Variants in C3orf18 observed in about 807,000 individuals in gnomAD.
C3orf18 encodes the protein uncharacterized protein C3orf18.
Under a neutral mutation model 14.1 loss-of-function variants are expected in C3orf18, and 12 were observed. The ratio of observed to expected loss-of-function variants is 0.85; its 90% CI spans 0.55 to 1.38. The LOEUF (loss-of-function observed/expected upper bound fraction) is 1.38. Among genes scored for constraint, C3orf18 ranks in the 40% most tolerant of loss-of-function variants. The pLI is 0.00. For synonymous variants in C3orf18, 82 were observed against 87.9 expected, an observed-to-expected ratio of 0.93 and a Z score of 0.38; for missense variants, 196 against 213.9, an observed-to-expected ratio of 0.92 and a Z score of 0.52.
chr3:50,572,708 G>T (rs1304483083), upstream of C3orf18, among the ~76,000 whole-genome samples: 2 of 152,236 alleles, frequency 1.3e-5, no homozygotes, highest in African/African-American at 2.4e-5. Context: ...GAATCTGGTG[G>T]CCCTCTTAGG....
At chr3:50,566,460 T>A (rs189029863) in intron 1 of C3orf18, among the ~76,000 whole-genome samples, 73 of 152,044 alleles carry the variant, frequency 4.8e-4, no homozygotes, top group African/African-American at 1.8e-3. Context: ...CAAACAGGTG[T>A]CGAAGAAAGA....
chr3:50,573,556 T>C, upstream of C3orf18, among the ~76,000 whole-genome samples: 1 of 152,054 alleles, frequency 6.6e-6, no homozygotes, highest in Non-Finnish European at 1.5e-5. Context: ...CTTGGATGGG[T>C]CTGGGCCAAG....
Position 50,561,069 on chromosome 3 carries a change from G to T in C3orf18, c.261-5C>A. 1.2e-6 allele frequency: 2 copies of T among 1,613,630 alleles called. No individual in the cohort carries two copies. The highest frequency in any genetic ancestry group is 1.7e-6 in the Non-Finnish European group (2 of 1,179,716). ...TGGTGGCGTAGCTTCTCCAGCCTGG[G>T]GATGGGGGCAAAGGCTGCTGGGGAC... On this transcript the variant is annotated splice_region_variant and splice_polypyrimidine_tract_variant and intron_variant, in intron 4 of 5. Transcript: ENST00000357203.
chr3:50,571,788 C>A, upstream of C3orf18: 7 of 1,614,044 alleles, frequency 4.3e-6, no homozygotes, highest in Non-Finnish European at 5.9e-6. Context: ...GCTGAGTAGC[C>A]GTCGATTGCA....
upstream of C3orf18, among the ~76,000 whole-genome samples, chr3:50,568,104 T>A (rs1385493411): frequency 2.0e-5 from 3 of 152,212 alleles, no homozygotes; most frequent in East Asian, 3.9e-4. Flanking sequence ...TTTGTGACCT[T>A]GAAGAAACTG....
upstream of C3orf18, among the ~76,000 whole-genome samples, chr3:50,573,887 T>C (rs189816733): frequency 6.6e-6 from 1 of 152,278 alleles, no homozygotes; most frequent in Non-Finnish European, 1.5e-5. Flanking sequence ...AGTAGGAAAC[T>C]CAGGGCTGGG....
At position 50,558,970 on chromosome 3, in the gene C3orf18, C is replaced by T; in HGVS notation, c.*687G>A. The T allele has an allele frequency of 7.8e-7, 1 of 1,288,276 alleles. No homozygotes were observed. Among genetic ancestry groups the T allele is most frequent in the Non-Finnish European group, 1.0e-6 (1 of 987,862 alleles). The allele number at this position is 1,288,276 out of a possible 1,614,324, so 79.8% of individuals were successfully genotyped here. A position where few individuals can be genotyped will look rare whatever the true frequency, so the allele number is the denominator to read the frequency against. On this transcript the variant is annotated 3_prime_UTR_variant, in exon 6 of 6. Transcript: ENST00000357203. ...GGTCTGGGGGGGCTGCATCCTTCCA[C>T]TTCCATTCCCCTACTTCCTTCCCCC...
At chr3:50,564,647 C>A (rs1439784508) in intron 3 of C3orf18, among the ~76,000 whole-genome samples, 1 of 152,174 alleles carries the variant, frequency 6.6e-6, no homozygotes, top group Non-Finnish European at 1.5e-5. Flanking sequence ...AGGGCAGGAC[C>A]TTGTCTTCCC....
upstream of C3orf18, among the ~76,000 whole-genome samples, chr3:50,574,663 C>T (rs1437297852): frequency 4.6e-5 from 7 of 152,198 alleles, no homozygotes; most frequent in Admixed American, 4.6e-4. Context: ...AGACCACAGG[C>T]TCTCAGCCAC....
intron 3 of C3orf18, among the ~76,000 whole-genome samples, chr3:50,563,428 C>A (rs2107283971): frequency 6.6e-6 from 1 of 152,286 alleles, no homozygotes; most frequent in East Asian, 1.9e-4. Flanking sequence ...AACCTTTACG[C>A]AATTTCCATG....
chr3:50,570,384 T>C (rs1700806553), upstream of C3orf18: 1 of 152,180 alleles, frequency 6.6e-6, no homozygotes, highest in African/African-American at 2.4e-5. Context: ...TAGGTTAAAT[T>C]AGGAGGAAAT....
Position 50,566,051 on chromosome 3 carries a change from C to T in C3orf18, c.-208G>A, listed in dbSNP as rs1700271876. 1 of 220,564 alleles carries T rather than the reference C, an allele frequency of 4.5e-6. No individual in the cohort carries two copies. Among genetic ancestry groups the T allele is most frequent in the Non-Finnish European group, 9.1e-6 (1 of 110,094 alleles). 13.7% of individuals were successfully genotyped at this position (220,564 alleles called of 1,614,324 possible). A position where few individuals can be genotyped will look rare whatever the true frequency, so the allele number is the denominator to read the frequency against. On this transcript the variant is annotated 5_prime_UTR_variant, in exon 2 of 6. Transcript: ENST00000357203. ...CTGTTTTTGGGAACAAAAATGAAGC[C>T]CTGCATCCTCTGTCTGTGGGTGAGA...
chr3:50,571,168 C>A, upstream of C3orf18: 1 of 1,613,404 alleles, frequency 6.2e-7, no homozygotes, highest in Non-Finnish European at 8.5e-7. Context: ...GGGAAGTACC[C>A]GGGGCTGGGC....
chr3:50,570,467 G>C (rs1288524841), upstream of C3orf18: 2 of 152,204 alleles, frequency 1.3e-5, no homozygotes, highest in Non-Finnish European at 2.9e-5. Flanking sequence ...GCAATCATCT[G>C]CCTCTTGTAA....
chr3:50,559,657 T>G lies in C3orf18; in HGVS notation c.489A>C (p.Ter163CysextTer61). The change falls in exon 6 of 6, where the codon TGA (stop) becomes TGC (cysteine). Residue 163 changes from the stop codon to cysteine, a stop_lost. Coordinates refer to ENST00000357203, the MANE Select transcript of C3orf18 (RefSeq NM_016210.5). ...GAAGTCCAGGCTTGTCCCAGGCCAC[T>G]CACGCATGGATGGCATTGGCCACAT... is the stretch of plus-strand genomic sequence containing the variant. Reference protein sequence around the residue: ...FTDVANAIHA* With the variant: ...FTDVANAIHAC 2.5e-6 allele frequency: 4 copies of G among 1,577,208 alleles called. No homozygotes were observed. Among genetic ancestry groups the G allele is most frequent in the Non-Finnish European group, 3.4e-6 (4 of 1,160,448 alleles).
Position 50,559,102 on chromosome 3 carries a change from G to T in C3orf18, c.*555C>A. 1.6e-6 allele frequency: 2 copies of T among 1,289,798 alleles called. No individual in the cohort carries two copies. The highest frequency in any genetic ancestry group is 2.5e-5 in the South Asian group (2 of 81,030). The allele number at this position is 1,289,798 out of a possible 1,614,324, so 79.9% of individuals were successfully genotyped here. On this transcript the variant is annotated 3_prime_UTR_variant, in exon 6 of 6. Transcript: ENST00000357203. ...TATGGATGGACCCTGGGTGTGAATT[G>T]CCCTTCTCCTGGCATCCTTGCATAC...
In C3orf18 at chr3:50,558,706, C is replaced by A; in HGVS notation, c.*951G>T. 1 of 1,288,824 alleles carries A rather than the reference C, an allele frequency of 7.8e-7. No homozygotes were observed. The highest frequency in any genetic ancestry group is 1.0e-6 in the Non-Finnish European group (1 of 988,188). The allele number at this position is 1,288,824 out of a possible 1,614,324, so 79.8% of individuals were successfully genotyped here. On this transcript the variant is annotated 3_prime_UTR_variant, in exon 6 of 6. Coordinates refer to ENST00000357203, the MANE Select transcript of C3orf18 (RefSeq NM_016210.5). The stretch of plus-strand genomic sequence containing the variant: ...GAGCCGTTTTCAGAAGCAGGTGAGC[C>A]CAGTGAAACAATGCAGTGGAGAGAG...
Position 50,565,676 on chromosome 3 carries a change from A to G in C3orf18, c.24T>C (p.Ala8=), listed in dbSNP as rs747554840. Residue 8 remains alanine, a synonymous_variant, in exon 3 of 6, where the codon GCT becomes GCC. Transcript: ENST00000357203. The surrounding 1 kb of genome is among the most constrained non-coding windows in gnomAD (Gnocchi z 4.4). MNSRTAS[A]RGWFSSRPPT... ...GTGGGCGGCTGCTGAACCAGCCCCT[A>G]GCAGATGCGGTCCTGGAGTTCATGC... 3 of 1,611,980 alleles carry G rather than the reference A, an allele frequency of 1.9e-6. No homozygotes were observed. The highest frequency in any genetic ancestry group is 2.5e-6 in the Non-Finnish European group (3 of 1,179,956).
At chr3:50,562,741 G>A (rs1700065156) in intron 3 of C3orf18, among the ~76,000 whole-genome samples, 1 of 152,184 alleles carries the variant, frequency 6.6e-6, no homozygotes. Flanking sequence ...TGGGGGACTG[G>A]AGCCCCTAGG....
Sources: allele counts gnomAD v4.1 joint callset (sites outside exome capture counted in the v4.1 genomes callset), GRCh38; gene constraint gnomAD v4.1.1; non-coding constraint Gnocchi (gnomAD v3.1); transcripts MANE v1.5; gene names NCBI Gene and HGNC (gene_info 2026-07-23, HGNC 2026-07-21).